The following KCNH8 variants were observed in gnomAD, a reference collection of about 807,000 sequenced individuals.
The protein encoded by KCNH8 is potassium voltage-gated channel subfamily H member 8.
In KCNH8, 70 loss-of-function variants were observed where a neutral mutation model predicts 103.6. That is an observed-to-expected ratio of 0.68 (90% CI 0.56 to 0.82). The LOEUF is 0.82. Among genes scored for constraint, KCNH8 ranks in the 40% least tolerant of loss-of-function variants. The pLI, the probability that KCNH8 is intolerant of heterozygous loss-of-function variation, is 0.00. For synonymous variants in KCNH8, 498 were observed against 489.4 expected, an observed-to-expected ratio of 1.02 and a Z score of -0.23; for missense variants, 1,217 against 1,329.9, an observed-to-expected ratio of 0.92 and a Z score of 1.32.
intron 3 of KCNH8, among the ~76,000 whole-genome samples, chr3:19,331,631 AT>A (rs2065510779): frequency 6.6e-6 from 1 of 152,160 alleles, no homozygotes. Context: ...AGATGTAGGT[AT>A]TTATGGGATG....
chr3:19,254,004 T>C lies in KCNH8; in HGVS notation c.310+117T>C, dbSNP rs566934549. 3.3e-4 allele frequency: 226 copies of C among 683,024 alleles called. 2 individuals carry two copies. In the South Asian group the frequency reaches 4.1e-3, roughly 12 times the overall value. 42.3% of individuals were successfully genotyped at this position (683,024 alleles called of 1,614,324 possible). ...AATGGCATTTCACATACATGCAGGC[T>C]GTTACAGAAGTTCCACAAATGACTT... On this transcript the variant is annotated intron_variant, in intron 2 of 15. Transcript: ENST00000328405.
intron 1 of KCNH8, among the ~76,000 whole-genome samples, chr3:19,251,088 T>C (rs963795192): frequency 1.3e-5 from 2 of 152,200 alleles, no homozygotes; most frequent in South Asian, 2.1e-4. Flanking sequence ...CACACTATTG[T>C]TAAAGTGACC....
intron 5 of KCNH8, among the ~76,000 whole-genome samples, chr3:19,370,316 A>G (rs1285018415): frequency 6.6e-6 from 1 of 152,030 alleles, no homozygotes; most frequent in Non-Finnish European, 1.5e-5. Context: ...AATTCAGCTA[A>G]ACATGTACAT....
intron 5 of KCNH8, among the ~76,000 whole-genome samples, chr3:19,383,956 A>C (rs572051793): frequency 6.6e-6 from 1 of 152,298 alleles, no homozygotes; most frequent in Non-Finnish European, 1.5e-5. Context: ...AAAAATGATT[A>C]AATTTTTCCA....
At chr3:19,217,287 A>G (rs945778342) in intron 1 of KCNH8, among the ~76,000 whole-genome samples, 3 of 152,172 alleles carry the variant, frequency 2.0e-5, no homozygotes, top group African/African-American at 7.2e-5. Context: ...ATTATGTCCA[A>G]ACTTTCAAAG....
At chr3:19,418,071 A>T (rs1170342418) in intron 7 of KCNH8, among the ~76,000 whole-genome samples, 4 of 152,166 alleles carry the variant, frequency 2.6e-5, no homozygotes, top group Non-Finnish European at 5.9e-5. Context: ...CACAGAAATA[A>T]CTCTGAATCT....
intron 15 of KCNH8, among the ~76,000 whole-genome samples, chr3:19,519,881 GTGATTCTTC>G (rs1214151624): frequency 9.2e-5 from 14 of 151,756 alleles, no homozygotes; most frequent in Non-Finnish European, 2.1e-4. Flanking sequence ...ATTAGAGTTA[GTGATTCTTC>G]TGAGAAAAAA....
chr3:19,246,882 A>C (rs779145786), intron 1 of KCNH8, among the ~76,000 whole-genome samples: 1 of 152,148 alleles, frequency 6.6e-6, no homozygotes, highest in Non-Finnish European at 1.5e-5. Context: ...CCCAATGGCA[A>C]GGTTGTGAAG....
At chr3:19,181,050 G>T (rs2063448198) in intron 1 of KCNH8, among the ~76,000 whole-genome samples, 1 of 152,048 alleles carries the variant, frequency 6.6e-6, no homozygotes, top group African/African-American at 2.4e-5. Context: ...TTTTAGAGAG[G>T]ATTAACATTT....
chr3:19,442,763 T>C (rs1401040702), intron 8 of KCNH8, among the ~76,000 whole-genome samples: 1 of 152,174 alleles, frequency 6.6e-6, no homozygotes, highest in African/African-American at 2.4e-5. Flanking sequence ...TTTTATATTA[T>C]TGTGAAAATT....
chr3:19,167,533 C>T (rs1198447375), intron 1 of KCNH8, among the ~76,000 whole-genome samples: 1 of 151,792 alleles, frequency 6.6e-6, no homozygotes, highest in African/African-American at 2.4e-5. Context: ...TTCTACTTTC[C>T]CTCTCAAAAT....
At chr3:19,477,262 A>G (rs1336553975) in intron 11 of KCNH8, among the ~76,000 whole-genome samples, 1 of 152,176 alleles carries the variant, frequency 6.6e-6, no homozygotes, top group African/African-American at 2.4e-5. Flanking sequence ...GATGTAAAAT[A>G]TCATAATGCT....
At chr3:19,216,223 C>G (rs940783991) in intron 1 of KCNH8, among the ~76,000 whole-genome samples, 8 of 152,182 alleles carry the variant, frequency 5.3e-5, no homozygotes, top group Non-Finnish European at 1.0e-4. Flanking sequence ...AATTGATTCT[C>G]TCCATTCTAG....
chr3:19,533,420 C>T lies in KCNH8; in HGVS notation c.2645C>T (p.Ser882Phe). 6.2e-7 allele frequency: 1 copy of T among 1,614,050 alleles called. No homozygotes were observed. The highest frequency in any genetic ancestry group is 8.5e-7 in the Non-Finnish European group (1 of 1,179,914). ...SEVTTLTQEV[S>F]QLGKDMRNVI... ...GTAACAACATTGACTCAGGAAGTTT[C>T]TCAGTTGGGTAAAGACATGAGAAAT... The change falls in exon 16 of 16, where the codon TCT becomes TTT. Residue 882 changes from serine (S) to phenylalanine (F), a missense_variant. By Grantham distance (155) the Ser-to-Phe change is radical (BLOSUM62 -2). Around this residue, in one of 3 missense-constraint regions of KCNH8, gnomAD observed 558 missense variants for 495.8 expected, o/e 1.13. Coordinates refer to ENST00000328405, the MANE Select transcript of KCNH8 (RefSeq NM_144633.3).
At chr3:19,448,354 A>T (rs1031844501) in intron 8 of KCNH8, among the ~76,000 whole-genome samples, 1 of 151,988 alleles carries the variant, frequency 6.6e-6, no homozygotes, top group African/African-American at 2.4e-5. Flanking sequence ...TCTCTGCAAC[A>T]TTATATTGCT....
intron 1 of KCNH8, among the ~76,000 whole-genome samples, chr3:19,165,178 G>T (rs73048532): frequency 6.6e-6 from 1 of 152,272 alleles, no homozygotes; most frequent in Non-Finnish European, 1.5e-5. Flanking sequence ...TGTTAAAAAT[G>T]ATTTCTGGGG....
At chr3:19,252,541 C>G (rs372467017) in intron 1 of KCNH8, among the ~76,000 whole-genome samples, 143 of 152,120 alleles carry the variant, frequency 9.4e-4, no homozygotes, top group African/African-American at 3.1e-3. Flanking sequence ...AGGGGCCCAC[C>G]ACCATGCCGG....
At chr3:19,184,243 C>A (rs2063482280) in intron 1 of KCNH8, among the ~76,000 whole-genome samples, 2 of 151,858 alleles carry the variant, frequency 1.3e-5, no homozygotes, top group African/African-American at 4.8e-5. Context: ...ATTGAACCAC[C>A]TAAACATGGC....
chr3:19,476,389 G>A (rs1241234039), intron 11 of KCNH8, among the ~76,000 whole-genome samples: 1 of 152,142 alleles, frequency 6.6e-6, no homozygotes, highest in Non-Finnish European at 1.5e-5. Flanking sequence ...CAAACTTCTT[G>A]CACTAAAGTG....
Sources: allele counts gnomAD v4.1 joint callset (sites outside exome capture counted in the v4.1 genomes callset), GRCh38; gene constraint gnomAD v4.1.1; regional missense constraint gnomAD v4.1.1; transcripts MANE v1.5; gene names NCBI Gene and HGNC (gene_info 2026-07-23, HGNC 2026-07-21).